F5: variants seen among roughly 807,000 people sequenced by gnomAD.
F5 encodes activated protein c cofactor.
F5 carries 138 observed loss-of-function variants against 216.4 expected under a neutral mutation model. The ratio of observed to expected loss-of-function variants is 0.64; its 90% CI spans 0.56 to 0.73. The LOEUF (loss-of-function observed/expected upper bound fraction) is 0.73, where lower values mean the gene tolerates loss of function less well. Ranked by LOEUF, F5 falls within the 30% of genes least tolerant of loss-of-function variation. The probability of loss-of-function intolerance (pLI) is 0.00; values close to 1 mark genes in which losing one functional copy is unlikely to be tolerated. For missense variants in F5, 2,403 were observed against 2,674.0 expected (o/e 0.90, Z 2.24); for synonymous variants, 916 against 930.7 (o/e 0.98, Z 0.29).
chr1:169,563,501 C>T (rs568849339), intron 3 of F5, among the ~76,000 whole-genome samples: 8 of 152,200 alleles, frequency 5.3e-5, no homozygotes, highest in African/African-American at 1.9e-4. Context: ...TGTTCACTTT[C>T]TTCAGCCTTT....
chr1:169,582,576 C>A, intron 1 of F5, 54 bp from the exon 2 acceptor site: 3 of 956,898 alleles, frequency 3.1e-6, no homozygotes, highest in Admixed American at 2.1e-5. Context: ...ATCTATTTCT[C>A]ACATTACAAA....
rs776346830 is a variant in F5 at position 169,525,959 on chromosome 1, T to G, written c.5658A>C (p.Thr1886=). 2.5e-6 allele frequency: 4 copies of G among 1,613,406 alleles called. No homozygotes were observed. The East Asian group carries it at 8.9e-5, about 36-fold the overall frequency. ...CTGCTCTCTGGTTTTCTCCAACCTC[T>G]GTGTTTAGGAGCCACCAGCCAGGTT... ...ASKPGWWLLN[T]EVGENQRAGM... Residue 1886 remains threonine (T), a synonymous_variant, in exon 18 of 25, where the codon ACA becomes ACC. Transcript: ENST00000367797.
rs772610762 is a variant in F5, at chr1:169,530,861, A to C, written c.5133T>G (p.His1711Gln). 4.3e-6 allele frequency: 7 copies of C among 1,613,998 alleles called. No homozygotes were observed. The highest frequency in any genetic ancestry group is 5.9e-6 in the Non-Finnish European group (7 of 1,179,870). Reference protein sequence around the residue: ...QPNSSYTYVWHATERSGPESP... With the variant: ...QPNSSYTYVWQATERSGPESP... ...TTTCTGGCCCTGATCGCTCAGTGGC[A>C]TGCCATACGTAGGTATAACTGCTAT... is the stretch of plus-strand genomic sequence containing the variant. Residue 1711 changes from histidine to glutamine, a missense_variant, in exon 15 of 25, where the codon CAT (histidine) becomes CAG (glutamine). Physicochemically the swap from His to Gln is conservative, Grantham distance 24. Around this residue, in one of 4 missense-constraint regions of F5, gnomAD observed 659 missense variants for 787.9 expected, o/e 0.84. Transcript: ENST00000367797.
intron 2 of F5, among the ~76,000 whole-genome samples, chr1:169,581,014 G>C (rs1477396866): frequency 6.6e-6 from 1 of 152,160 alleles, no homozygotes; most frequent in Non-Finnish European, 1.5e-5. Context: ...AATTCTGCTG[G>C]TATTGAGGGG....
chr1:169,551,895 TC>T (rs1390363961), intron 8 of F5, among the ~76,000 whole-genome samples: 1 of 152,212 alleles, frequency 6.6e-6, no homozygotes, highest in Non-Finnish European at 1.5e-5. Context: ...GAGTTTACCT[TC>T]ATCAGAGTCC....
chr1:169,534,879 A>C (rs1659670944), intron 14 of F5, among the ~76,000 whole-genome samples: 1 of 152,158 alleles, frequency 6.6e-6, no homozygotes, highest in African/African-American at 2.4e-5. Flanking sequence ...CGTCCTTTGC[A>C]ACAACATGGA....
At chr1:169,559,462 G>A (rs896889085) in intron 4 of F5, among the ~76,000 whole-genome samples, 166 bp from the exon 5 acceptor site, 3 of 152,050 alleles carry the variant, frequency 2.0e-5, no homozygotes, top group African/African-American at 4.8e-5. Context: ...ATGGTTCTAG[G>A]GTTATTTAAA....
intron 21 of F5, among the ~76,000 whole-genome samples, chr1:169,522,596 A>G (rs907099997): frequency 6.6e-6 from 1 of 152,180 alleles, no homozygotes; most frequent in Non-Finnish European, 1.5e-5. Context: ...ACTCAAGGTT[A>G]TTGGTATAAT....
intron 3 of F5, among the ~76,000 whole-genome samples, chr1:169,569,811 T>G (rs1288194143): frequency 6.6e-6 from 1 of 152,024 alleles, no homozygotes; most frequent in Non-Finnish European, 1.5e-5. Flanking sequence ...CTACCACCTA[T>G]CTCTCAAATA....
At chr1:169,524,271 G>A (rs181606402) in intron 19 of F5, among the ~76,000 whole-genome samples, 40 of 152,350 alleles carry the variant, frequency 2.6e-4, no homozygotes, top group African/African-American at 9.1e-4. Context: ...CTTTGAGGCA[G>A]TGTGGGAAAA....
intron 14 of F5, among the ~76,000 whole-genome samples, chr1:169,532,474 A>G (rs1415841736): frequency 2.6e-5 from 4 of 152,224 alleles, no homozygotes; most frequent in Non-Finnish European, 5.9e-5. Flanking sequence ...GGCTCCAGGA[A>G]CTGATAAATG....
rs575199782 is a variant in F5, at chr1:169,516,537, C to G, written c.6346-911G>C. Among the ~76,000 whole-genome samples, 301 of 152,244 alleles carry G rather than the reference C, an allele frequency of 2.0e-3. 1 individual carries two copies. The highest frequency in any genetic ancestry group is 6.5e-3 in the African/African-American group (272 of 41,560). ...TCACATGCTATATGTATTTTAAAAG[C>G]AAATTAACTGAATTAGAATGATTAT... On this transcript the variant is annotated intron_variant, in intron 23 of 24. Transcript: ENST00000367797.
At chr1:169,580,232 T>A (rs552258643) in intron 2 of F5, among the ~76,000 whole-genome samples, 1 of 152,254 alleles carries the variant, frequency 6.6e-6, no homozygotes, top group Non-Finnish European at 1.5e-5. Context: ...TCATCATAGT[T>A]CTTCCTTATT....
rs1659355557 is a variant in F5, at chr1:169,523,339, T to C, written c.5906A>G (p.Lys1969Arg). The C allele has an allele frequency of 1.2e-6, 2 of 1,613,912 alleles. No homozygotes were observed. Among genetic ancestry groups the C allele is most frequent in the African/African-American group, 2.7e-5 (2 of 74,926 alleles). The change falls in exon 21 of 25, where the codon AAG (lysine) becomes AGG (arginine). Residue 1969 changes from lysine to arginine, a missense_variant. Physicochemically the swap from Lys to Arg is conservative, Grantham distance 26 (BLOSUM62 2). This residue lies in a region of F5 where 659 missense variants were observed against 787.9 expected (regional missense o/e 0.84). Coordinates refer to ENST00000367797, the MANE Select transcript of F5 (RefSeq NM_000130.5). ...SKPWIQVDMQ[K>R]EVIITGIQTQ... ...CTGGATCCCTGTGATTATGACTTCC[T>C]TTTGCATGTCCACCTGCAATATAGG...
chr1:169,534,746 C>T (rs1417896417), intron 14 of F5, among the ~76,000 whole-genome samples: 1 of 151,866 alleles, frequency 6.6e-6, no homozygotes, highest in Non-Finnish European at 1.5e-5. Flanking sequence ...TTCATCACAG[C>T]ATTATTCACA....
chr1:169,542,706 T>C lies in F5; in HGVS notation c.2384A>G (p.Gln795Arg), dbSNP rs1659896682. Residue 795 changes from glutamine (Q) to arginine (R), a missense_variant, in exon 13 of 25, where the codon CAG (glutamine) becomes CGG (arginine). Gln to Arg is a conservative substitution (Grantham distance 43). This residue lies in a region of F5 where 1,425 missense variants were observed against 1,554.8 expected (regional missense o/e 0.92). Transcript: ENST00000367797. Reference protein sequence around the residue: ...KFTVNNLAEPQKAPSHQQATT... With the variant: ...KFTVNNLAEPRKAPSHQQATT... ...GGCTTGTTGGTGAGAAGGGGCTTTC[T>C]GAGGTTCTGCAAGGTTATTGACAGT... 2 of 1,614,044 alleles carry C rather than the reference T, an allele frequency of 1.2e-6. No individual in the cohort carries two copies. The highest frequency in any genetic ancestry group is 2.7e-5 in the African/African-American group (2 of 74,928).
chr1:169,522,306 C>G (rs1307986439), intron 21 of F5, among the ~76,000 whole-genome samples: 1 of 152,156 alleles, frequency 6.6e-6, no homozygotes, highest in Non-Finnish European at 1.5e-5. Flanking sequence ...TAGAAAAGAG[C>G]ATGCTTACCA....
At chr1:169,535,082 C>A (rs141953644) in intron 14 of F5, among the ~76,000 whole-genome samples, 1 of 152,054 alleles carries the variant, frequency 6.6e-6, no homozygotes, top group African/African-American at 2.4e-5. Flanking sequence ...GTACTATGCA[C>A]GCTACTTGGA....
chr1:169,565,902 T>C (rs1660588025), intron 3 of F5, among the ~76,000 whole-genome samples: 1 of 152,110 alleles, frequency 6.6e-6, no homozygotes, highest in Non-Finnish European at 1.5e-5. Context: ...TTCACTTTGA[T>C]AATAAAACTG....
Sources: gnomAD v4.1 joint callset for allele counts (sites outside exome capture counted in the v4.1 genomes callset) on GRCh38, gnomAD v4.1.1 for gene constraint, gnomAD v4.1.1 regional missense constraint, MANE v1.5 for transcripts, NCBI Gene and HGNC (gene_info 2026-07-23, HGNC 2026-07-21) for gene names.